CHD6: variants seen among roughly 807,000 people sequenced by gnomAD.
CHD6 encodes chromodomain helicase DNA binding protein 6.
In CHD6, 50 loss-of-function variants were observed where a neutral mutation model predicts 276.9. The observed-to-expected ratio is 0.18, with a 90% confidence interval of 0.14 to 0.23. The LOEUF (loss-of-function observed/expected upper bound fraction) is 0.23, where lower values mean the gene tolerates loss of function less well. Among genes scored for constraint, CHD6 ranks in the 10% least tolerant of loss-of-function variants. The pLI is 1.00. For synonymous variants in CHD6, 1,173 were observed against 1,229.3 expected (o/e 0.95, Z 0.96); for missense variants, 2,564 against 3,365.8 (o/e 0.76, Z 5.89).
intron 1 of CHD6, among the ~76,000 whole-genome samples, chr20:41,601,003 C>G (rs2045767825): frequency 6.6e-6 from 1 of 152,188 alleles, no homozygotes; most frequent in Non-Finnish European, 1.5e-5. Context: ...CATCAAAAAT[C>G]TAGACACACT....
At chr20:41,539,269 A>T (rs2044894386) in intron 2 of CHD6, among the ~76,000 whole-genome samples, 1 of 152,158 alleles carries the variant, frequency 6.6e-6, no homozygotes, top group Non-Finnish European at 1.5e-5. Flanking sequence ...AAGTAATAAA[A>T]CTGCTTCTGT....
At chr20:41,498,378 A>G in intron 6 of CHD6, 152 bp from the exon 7 acceptor site, 2 of 640,862 alleles carry the variant, frequency 3.1e-6, no homozygotes, top group Non-Finnish European at 5.5e-6. Context: ...CCTGACACCT[A>G]TTGGTCAGGT....
intron 27 of CHD6, among the ~76,000 whole-genome samples, chr20:41,427,345 T>C (rs1014808130): frequency 6.6e-6 from 1 of 152,120 alleles, no homozygotes; most frequent in Non-Finnish European, 1.5e-5. Flanking sequence ...AGAACAGCGT[T>C]AACAGCTAAT....
intron 2 of CHD6, among the ~76,000 whole-genome samples, chr20:41,543,039 G>A (rs1041257375): frequency 1.3e-5 from 2 of 150,308 alleles, no homozygotes; most frequent in African/African-American, 4.9e-5. Context: ...GGGAGGTGGA[G>A]ATTGCGGTGA....
chr20:41,582,719 T>C (rs778748858), intron 1 of CHD6, among the ~76,000 whole-genome samples: 3 of 152,132 alleles, frequency 2.0e-5, no homozygotes, highest in Non-Finnish European at 4.4e-5. Context: ...ATAACAACAA[T>C]TGATATGTTA....
At chr20:41,429,921 G>A (rs73907162) in intron 27 of CHD6, among the ~76,000 whole-genome samples, 19,797 of 152,188 alleles carry the variant, frequency 0.13, 2,375 homozygotes, top group East Asian at 0.34. Context: ...TCTACTAAAC[G>A]GTTGCCTTTC....
intron 17 of CHD6, among the ~76,000 whole-genome samples, chr20:41,470,158 T>A (rs190403662): frequency 1.5e-3 from 230 of 152,256 alleles, no homozygotes; most frequent in Non-Finnish European, 2.8e-3. Flanking sequence ...CCTCTTGCTC[T>A]CTTCCTCATC....
chr20:41,528,898 G>C (rs1281780987), intron 3 of CHD6, among the ~76,000 whole-genome samples: 1 of 152,164 alleles, frequency 6.6e-6, no homozygotes, highest in Non-Finnish European at 1.5e-5. Context: ...AAAAGTTGAA[G>C]ACATTTTAGT....
At chr20:41,591,435 A>C (rs2045659534) in intron 1 of CHD6, among the ~76,000 whole-genome samples, 1 of 151,732 alleles carries the variant, frequency 6.6e-6, no homozygotes, top group South Asian at 2.1e-4. Context: ...TATATAAAAG[A>C]AAGCCAGGAG....
At chr20:41,546,304 G>A (rs906497133) in intron 2 of CHD6, among the ~76,000 whole-genome samples, 3 of 152,036 alleles carry the variant, frequency 2.0e-5, no homozygotes, top group Non-Finnish European at 4.4e-5. Flanking sequence ...AGAATGAAGG[G>A]CTCTGCTTAC....
Position 41,412,144 on chromosome 20 carries a change from C to A in CHD6, c.7251G>T (p.Arg2417Ser). 2 of 1,614,138 alleles carry A rather than the reference C, an allele frequency of 1.2e-6. No homozygotes were observed. ...ACACTCACGTGGCCTTCTTCCTTAC[C>A]CTCAGTCCTGGCTCCTTGGGGATGG... is the stretch of plus-strand genomic sequence containing the variant. ...VPAIPKEPGL[R>S]GFLPENKFNH... Residue 2417 changes from arginine to serine, a missense_variant and splice_region_variant, in exon 36 of 37, where the codon AGG becomes AGT. By Grantham distance (110) the Arg-to-Ser change is moderately radical. Around this residue, in one of 7 missense-constraint regions of CHD6, gnomAD observed 1,024 missense variants for 1,047.9 expected, o/e 0.98. Transcript: ENST00000373233.
intron 3 of CHD6, among the ~76,000 whole-genome samples, chr20:41,530,787 T>C (rs1256142238): frequency 6.6e-6 from 1 of 152,230 alleles, no homozygotes; most frequent in African/African-American, 2.4e-5. Context: ...AGAAAGCTCA[T>C]GTAACTTGTC....
chr20:41,445,785 G>C lies in CHD6; in HGVS notation c.3774-17C>G, dbSNP rs1192579212. 2.6e-6 allele frequency: 4 copies of C among 1,550,968 alleles called. No individual in the cohort carries two copies. The highest frequency in any genetic ancestry group is 3.6e-6 in the Non-Finnish European group (4 of 1,122,610). The stretch of plus-strand genomic sequence containing the variant: ...TCCAGCTCCCTAGGGAAGGAAGGGT[G>C]TAGACTCAAAACAACACAAAAGCTA... On this transcript the variant is annotated splice_polypyrimidine_tract_variant and intron_variant, in intron 24 of 36. Coordinates refer to ENST00000373233, the MANE Select transcript of CHD6 (RefSeq NM_032221.5).
intron 31 of CHD6, among the ~76,000 whole-genome samples, chr20:41,420,014 C>A (rs2047133701): frequency 6.6e-6 from 1 of 152,194 alleles, no homozygotes; most frequent in Non-Finnish European, 1.5e-5. Flanking sequence ...AATGCACTGA[C>A]CTTAAGCCAC....
chr20:41,463,614 C>T (rs937384088), intron 17 of CHD6, among the ~76,000 whole-genome samples: 1 of 151,892 alleles, frequency 6.6e-6, no homozygotes, highest in African/African-American at 2.4e-5. Flanking sequence ...GGAGGGACAA[C>T]CTACAAAAAA....
rs141455373 is a variant in CHD6 at position 41,511,105 on chromosome 20, T to C, written c.852+1741A>G. On this transcript the variant is annotated intron_variant, in intron 5 of 36. Coordinates refer to ENST00000373233, the MANE Select transcript of CHD6 (RefSeq NM_032221.5). ...GACAATAGTCCCTGCTCCCTGCTACTTTCCATGCAAACACAGAGTGAAAGA... is the reference window on the plus strand; with the variant it reads ...GACAATAGTCCCTGCTCCCTGCTACCTTCCATGCAAACACAGAGTGAAAGA... 5.4e-4 allele frequency among the ~76,000 whole-genome samples: 82 copies of C among 152,314 alleles called. No individual in the cohort carries two copies. In the East Asian group the frequency reaches 0.013, roughly 24 times the overall value.
intron 4 of CHD6, among the ~76,000 whole-genome samples, 184 bp from the exon 5 acceptor site, chr20:41,513,179 A>C (rs2044162301): frequency 6.6e-6 from 1 of 152,220 alleles, no homozygotes; most frequent in Non-Finnish European, 1.5e-5. Flanking sequence ...GATCTAGCTG[A>C]GTAGGGGACA....
chr20:41,553,702 C>T (rs765866554), intron 1 of CHD6, among the ~76,000 whole-genome samples: 16 of 152,228 alleles, frequency 1.1e-4, no homozygotes, highest in African/African-American at 3.4e-4. Context: ...TCTGCGATTG[C>T]GTACCCTTTC....
At chr20:41,517,395 T>C (rs1426079972) in intron 3 of CHD6, among the ~76,000 whole-genome samples, 1 of 152,170 alleles carries the variant, frequency 6.6e-6, no homozygotes, top group Non-Finnish European at 1.5e-5. Context: ...AGTTTACTTA[T>C]GTAACAAACC....
Sources: allele counts gnomAD v4.1 joint callset (sites outside exome capture counted in the v4.1 genomes callset), GRCh38; gene constraint gnomAD v4.1.1; regional missense constraint gnomAD v4.1.1; transcripts MANE v1.5; gene names NCBI Gene and HGNC (gene_info 2026-07-23, HGNC 2026-07-21).